Variants in SLC38A11 observed in about 807,000 individuals in gnomAD.
The protein encoded by SLC38A11 is putative sodium-coupled neutral amino acid transporter 11.
In SLC38A11, 51 loss-of-function variants were observed where a neutral mutation model predicts 49.4. The ratio of observed to expected loss-of-function variants is 1.03; its 90% CI spans 0.83 to 1.30. The LOEUF is 1.30. Among genes scored for constraint, SLC38A11 ranks in the 50% most tolerant of loss-of-function variants. The pLI, the probability that SLC38A11 is intolerant of heterozygous loss-of-function variation, is 0.00. For missense variants in SLC38A11, 574 were observed against 556.2 expected (o/e 1.03, Z -0.32); for synonymous variants, 203 against 192.9 (o/e 1.05, Z -0.43).
Position 164,896,311 on chromosome 2 carries a change from A to G in SLC38A11, c.*2126T>C, listed in dbSNP as rs897250985. On this transcript the variant is annotated 3_prime_UTR_variant, in exon 12 of 12. Coordinates refer to ENST00000685975, the MANE Select transcript of SLC38A11 (RefSeq NM_001351537.2). Reference sequence around the variant, plus strand: ...ATAAATAAACCAATACATGTTTATTAGGCACTAATGCTGCGCTCAGTTCCT... The same window carrying G: ...ATAAATAAACCAATACATGTTTATTGGGCACTAATGCTGCGCTCAGTTCCT... 2 of 152,186 alleles carry G rather than the reference A, an allele frequency of 1.3e-5. No homozygotes were observed. Among genetic ancestry groups the G allele is most frequent in the African/African-American group, 4.8e-5 (2 of 41,446 alleles). 9.4% of individuals were successfully genotyped at this position (152,186 alleles called of 1,614,324 possible). A position where few individuals can be genotyped will look rare whatever the true frequency, so the allele number is the denominator to read the frequency against.
At position 164,894,821 on chromosome 2, in the gene SLC38A11, A is replaced by G. The variant is rs972768683; in HGVS notation, c.*3616T>C. Among the ~76,000 whole-genome samples, 4 of 152,138 alleles carry G rather than the reference A, an allele frequency of 2.6e-5. No individual in the cohort carries two copies. The South Asian group carries it at 8.3e-4, about 32-fold the overall frequency. ...AGAGGCAAAGGATAACACATTTAAT[A>G]TGTACCAATTGCTCTCCCTCCTACA... On this transcript the variant is annotated 3_prime_UTR_variant, in exon 12 of 12. Coordinates refer to ENST00000685975, the MANE Select transcript of SLC38A11 (RefSeq NM_001351537.2).
At chr2:164,943,306 G>A (rs1208874190) in intron 5 of SLC38A11, among the ~76,000 whole-genome samples, 1 of 152,162 alleles carries the variant, frequency 6.6e-6, no homozygotes, top group Non-Finnish European at 1.5e-5. Context: ...GTTCACACTG[G>A]CTTTTTGTAA....
At chr2:164,918,257 T>C (rs1685940253) in intron 7 of SLC38A11, among the ~76,000 whole-genome samples, 2 of 152,088 alleles carry the variant, frequency 1.3e-5, no homozygotes. Context: ...GAATTATGAC[T>C]ACGAATATTT....
chr2:164,932,993 TC>T (rs1441321460), intron 7 of SLC38A11, among the ~76,000 whole-genome samples: 1 of 152,030 alleles, frequency 6.6e-6, no homozygotes, highest in Non-Finnish European at 1.5e-5. Context: ...CCCCTCTAGT[TC>T]TTCTTTATGT....
intron 8 of SLC38A11, 109 bp downstream of exon 8, chr2:164,915,794 G>A (rs973087692): frequency 2.6e-6 from 2 of 773,254 alleles, no homozygotes; most frequent in African/African-American, 3.4e-5. Flanking sequence ...CTAATAGGAA[G>A]TCTAAAACTT....
chr2:164,941,219 A>G (rs1687743655), intron 5 of SLC38A11, among the ~76,000 whole-genome samples: 1 of 152,152 alleles, frequency 6.6e-6, no homozygotes, highest in African/African-American at 2.4e-5. Context: ...GAAATTTTTG[A>G]AAATAAAATT....
In SLC38A11 at chr2:164,923,657, C is replaced by T. The variant is rs139771209; in HGVS notation, c.618-7684G>A. Among the ~76,000 whole-genome samples, 713 of 151,994 alleles carry T rather than the reference C, an allele frequency of 4.7e-3. 3 individuals carry two copies. Among genetic ancestry groups the T allele is most frequent in the African/African-American group, 0.016 (679 of 41,476 alleles). The stretch of plus-strand genomic sequence containing the variant: ...CAAAATAAAAAAAAAATTAGCCACG[C>T]GTGGTGGTGCACACCTGTAGTCCCA... On this transcript the variant is annotated intron_variant, in intron 7 of 11. Coordinates refer to ENST00000685975, the MANE Select transcript of SLC38A11 (RefSeq NM_001351537.2).
At chr2:164,945,157 A>G (rs1643923622) in intron 4 of SLC38A11, among the ~76,000 whole-genome samples, 1 of 151,980 alleles carries the variant, frequency 6.6e-6, no homozygotes. Flanking sequence ...GAACATTAAC[A>G]TTTCATTTTT....
intron 7 of SLC38A11, among the ~76,000 whole-genome samples, chr2:164,925,768 G>A (rs1686530032): frequency 6.6e-6 from 1 of 152,108 alleles, no homozygotes; most frequent in Non-Finnish European, 1.5e-5. Flanking sequence ...TAAGCTGTAA[G>A]AGGTCTTCAG....
intron 11 of SLC38A11, among the ~76,000 whole-genome samples, chr2:164,902,406 T>A (rs914951520): frequency 8.5e-5 from 13 of 152,180 alleles, no homozygotes; most frequent in African/African-American, 3.1e-4. Context: ...GTTTTTAATA[T>A]ATAAAATCAG....
At chr2:164,903,051 T>C (rs192575805) in intron 11 of SLC38A11, among the ~76,000 whole-genome samples, 9 of 152,336 alleles carry the variant, frequency 5.9e-5, no homozygotes, top group African/African-American at 2.2e-4. Flanking sequence ...TCATAATATT[T>C]GGAATTAACA....
chr2:164,911,747 C>A lies in SLC38A11; in HGVS notation c.852G>T (p.Gly284=). ...TTCTGCAGTAATTTTCAAATAAGTC[C>A]CCTAGATAGTAATATAAAATAAGTT... is the stretch of plus-strand genomic sequence containing the variant. The part of the protein sequence containing the change: ...GYLTFTGFTQ[G]DLFENYCRND... The change falls in exon 10 of 12, where the codon GGG becomes GGT. Residue 284 remains glycine (G), a splice_region_variant and synonymous_variant. Coordinates refer to ENST00000685975, the MANE Select transcript of SLC38A11 (RefSeq NM_001351537.2). The A allele has an allele frequency of 6.5e-7, 1 of 1,547,104 alleles. No individual in the cohort carries two copies.
At chr2:164,954,490 G>A in intron 2 of SLC38A11, 141 bp downstream of exon 2, 1 of 484,542 alleles carries the variant, frequency 2.1e-6, no homozygotes, top group East Asian at 3.1e-5. Context: ...AGAAAAAAAG[G>A]AAGCCTTTTA....
At position 164,915,150 on chromosome 2, in the gene SLC38A11, G is replaced by A; in HGVS notation, c.812C>T (p.Ala271Val). Residue 271 changes from alanine to valine, a missense_variant, in exon 9 of 12, where the codon GCT (alanine) becomes GTT (valine). Ala to Val is a moderately conservative substitution (Grantham distance 64). Coordinates refer to ENST00000685975, the MANE Select transcript of SLC38A11 (RefSeq NM_001351537.2). Reference sequence around the variant, plus strand: ...AGTAAATGTCAAGTATCCACATGTAGCAAAGAATATACAGATAAATACAGA... The same window carrying A: ...AGTAAATGTCAAGTATCCACATGTAACAAAGAATATACAGATAAATACAGA... ...VISVFICIFF[A>V]TCGYLTFTGF... 1 of 1,610,562 alleles carries A rather than the reference G, an allele frequency of 6.2e-7. No individual in the cohort carries two copies. Among genetic ancestry groups the A allele is most frequent in the Non-Finnish European group, 8.5e-7 (1 of 1,178,404 alleles).
At chr2:164,953,542 T>A (rs1465198589) in intron 2 of SLC38A11, among the ~76,000 whole-genome samples, 1 of 152,150 alleles carries the variant, frequency 6.6e-6, no homozygotes, top group Non-Finnish European at 1.5e-5. Flanking sequence ...CAGCTGCTCA[T>A]ACCTTCATGG....
Position 164,898,537 on chromosome 2 carries a change from A to G in SLC38A11, c.1289T>C (p.Phe430Ser). Residue 430 changes from phenylalanine to serine, a missense_variant, in exon 12 of 12, where the codon TTC (phenylalanine) becomes TCC (serine). By Grantham distance (155) the Phe-to-Ser change is radical (BLOSUM62 -2). Coordinates refer to ENST00000685975, the MANE Select transcript of SLC38A11 (RefSeq NM_001351537.2). ...TQDCTHGQEM[F>S]YCFPDNFSLT... Reference sequence around the variant, plus strand: ...AGAGAAATTGTCAGGAAAGCAGTAGAACATTTCCTGCCCATGGGTGCAGTC... The same window carrying G: ...AGAGAAATTGTCAGGAAAGCAGTAGGACATTTCCTGCCCATGGGTGCAGTC... The G allele has an allele frequency of 6.2e-7, 1 of 1,613,620 alleles. No individual in the cohort carries two copies. Among genetic ancestry groups the G allele is most frequent in the Non-Finnish European group, 8.5e-7 (1 of 1,179,722 alleles).
chr2:164,915,861 G>A (rs189862399), intron 8 of SLC38A11, 42 bp downstream of exon 8: 25 of 1,471,060 alleles, frequency 1.7e-5, no homozygotes, highest in Non-Finnish European at 2.4e-5. Flanking sequence ...ATGGAACAGA[G>A]AACTCCACAT....
intron 7 of SLC38A11, among the ~76,000 whole-genome samples, chr2:164,927,460 T>TA (rs1268933585): frequency 6.6e-6 from 1 of 152,114 alleles, no homozygotes; most frequent in Non-Finnish European, 1.5e-5. Context: ...AGAAGCAATG[T>TA]AAAAAAATGG....
intron 7 of SLC38A11, among the ~76,000 whole-genome samples, chr2:164,924,992 C>T (rs996036346): frequency 3.9e-5 from 6 of 152,170 alleles, no homozygotes; most frequent in South Asian, 4.1e-4. Context: ...GTGATCTGCC[C>T]GCCTCAGCCT....
Sources: gnomAD v4.1 joint callset for allele counts (sites outside exome capture counted in the v4.1 genomes callset) on GRCh38, gnomAD v4.1.1 for gene constraint, MANE v1.5 for transcripts, NCBI Gene and HGNC (gene_info 2026-07-23, HGNC 2026-07-21) for gene names.